Variants in ACTR3B observed in about 807,000 individuals in gnomAD.
The protein encoded by ACTR3B is actin related protein 3B, also known as actin-related protein 3B.
In ACTR3B, 8 loss-of-function variants were observed where a neutral mutation model predicts 59.0. The observed-to-expected ratio is 0.14, with a 90% CI of 0.08 to 0.24. The LOEUF (loss-of-function observed/expected upper bound fraction) is 0.24. Ranked by LOEUF, ACTR3B falls within the 10% of genes least tolerant of loss-of-function variation. The pLI is 1.00. For missense variants in ACTR3B, 245 were observed against 552.3 expected, an observed-to-expected ratio of 0.44 and a Z score of 5.58; for synonymous variants, 148 against 197.9, an observed-to-expected ratio of 0.75 and a Z score of 2.12.
At chr7:152,779,203 G>C (rs149054570) in intron 1 of ACTR3B, among the ~76,000 whole-genome samples, 4,454 of 152,078 alleles carry the variant, frequency 0.029, 79 homozygotes, top group Middle Eastern at 0.099. Flanking sequence ...GGTGAGCGAG[G>C]GGTGTTAAGA....
intron 2 of ACTR3B, among the ~76,000 whole-genome samples, chr7:152,798,707 T>C (rs535698573): frequency 1.3e-5 from 2 of 152,330 alleles, no homozygotes; most frequent in South Asian, 2.1e-4. Flanking sequence ...TTTTTGTATA[T>C]GGTTGAGAGA....
chr7:152,800,816 T>TA (rs200193237), intron 3 of ACTR3B, among the ~76,000 whole-genome samples, 161 bp downstream of exon 3: 3,834 of 152,178 alleles, frequency 0.025, 71 homozygotes, highest in African/African-American at 0.085. Context: ...TGAATGGGGG[T>TA]ATTTTTGATT....
chr7:152,848,487 C>A (rs536206680), intron 9 of ACTR3B, among the ~76,000 whole-genome samples: 139 of 152,318 alleles, frequency 9.1e-4, no homozygotes, highest in African/African-American at 3.2e-3. Context: ...AAACAAACCC[C>A]AAAACCTCAG....
rs747322881 is a variant in ACTR3B, at chr7:152,853,502, T to C, written c.1086T>C (p.Pro362=). ...ELSGGRIKPK[P]VEVQVVTHHM... ...GCTGCTTTCTCTTCCAGCCGAAGCC[T>C]GTGGAGGTCCAGGTGGTCACGCATC... is the stretch of plus-strand genomic sequence containing the variant. The change falls in exon 11 of 12, where the codon CCT becomes CCC. Residue 362 remains proline (P), a synonymous_variant. Coordinates refer to ENST00000256001, the MANE Select transcript of ACTR3B (RefSeq NM_020445.6). 39 of 1,613,780 alleles carry C rather than the reference T, an allele frequency of 2.4e-5. No individual in the cohort carries two copies. The Admixed American group carries it at 6.3e-4, about 26-fold the overall frequency.
intron 9 of ACTR3B, among the ~76,000 whole-genome samples, chr7:152,843,229 T>C (rs547228126): frequency 7.9e-5 from 12 of 152,348 alleles, no homozygotes; most frequent in African/African-American, 2.9e-4. Context: ...GTTCATGCTT[T>C]TTTATGTGCT....
In ACTR3B at chr7:152,796,424, A is replaced by G. The variant is rs1180341495; in HGVS notation, c.101-4107A>G. ...TCACAAATTTGGTCTCCAATTTGGTATAGATAATATTGTTTATTGAGTACT... is the reference window on the plus strand; with the variant it reads ...TCACAAATTTGGTCTCCAATTTGGTGTAGATAATATTGTTTATTGAGTACT... On this transcript the variant is annotated intron_variant, in intron 2 of 11. Transcript: ENST00000256001. Among the ~76,000 whole-genome samples the G allele has an allele frequency of 9.5e-5, 14 of 146,714 alleles. No individual in the cohort carries two copies. The East Asian group carries it at 2.6e-3, about 28-fold the overall frequency.
chr7:152,791,612 G>A (rs2098196566), intron 2 of ACTR3B, among the ~76,000 whole-genome samples: 2 of 152,202 alleles, frequency 1.3e-5, no homozygotes, highest in South Asian at 2.1e-4. Context: ...GGTACAATGT[G>A]TGTGTATAGT....
chr7:152,769,443 A>G (rs2116519304), intron 1 of ACTR3B, among the ~76,000 whole-genome samples: 1 of 151,994 alleles, frequency 6.6e-6, no homozygotes, highest in East Asian at 1.9e-4. Context: ...TGTCTGATAT[A>G]GATATATATA....
At chr7:152,791,094 A>G (rs948727503) in intron 2 of ACTR3B, among the ~76,000 whole-genome samples, 1 of 151,400 alleles carries the variant, frequency 6.6e-6, no homozygotes, top group Non-Finnish European at 1.5e-5. Flanking sequence ...GCTCACTGCA[A>G]CCTTCACCTC....
chr7:152,815,227 G>C (rs940474871), intron 5 of ACTR3B, among the ~76,000 whole-genome samples: 1 of 152,232 alleles, frequency 6.6e-6, no homozygotes, highest in African/African-American at 2.4e-5. Flanking sequence ...TTCTAAGGAG[G>C]AGGAGGAGGA....
chr7:152,852,977 GA>G (rs1414880399), intron 10 of ACTR3B, among the ~76,000 whole-genome samples: 1 of 151,984 alleles, frequency 6.6e-6, no homozygotes, highest in Non-Finnish European at 1.5e-5. Context: ...ATTTTTAGTA[GA>G]GATGGGGTTT....
intron 9 of ACTR3B, among the ~76,000 whole-genome samples, chr7:152,829,562 G>T (rs1254225981): frequency 3.3e-5 from 5 of 152,314 alleles, no homozygotes; most frequent in Admixed American, 6.5e-5. Flanking sequence ...CAGGGGTGGG[G>T]CCTGCGGGGA....
At chr7:152,789,997 CTTT>C (rs756068314) in intron 2 of ACTR3B, among the ~76,000 whole-genome samples, 1 of 102,818 alleles carries the variant, frequency 9.7e-6, no homozygotes, top group Non-Finnish European at 1.8e-5. Context: ...TGTACTCTTT[CTTT>C]TTTTTTTTTT....
chr7:152,766,011 TTCTC>T (rs1479230922), intron 1 of ACTR3B, among the ~76,000 whole-genome samples: 1 of 152,026 alleles, frequency 6.6e-6, no homozygotes, highest in African/African-American at 2.4e-5. Context: ...GTCTCTTCAT[TTCTC>T]TAACTTTTCT....
chr7:152,801,039 T>C (rs1367110426), intron 3 of ACTR3B, among the ~76,000 whole-genome samples: 4 of 152,396 alleles, frequency 2.6e-5, no homozygotes, highest in Admixed American at 2.6e-4. Flanking sequence ...TCCAATTGTA[T>C]GATAATTAGC....
intron 4 of ACTR3B, among the ~76,000 whole-genome samples, chr7:152,804,426 A>G (rs2098246038): frequency 6.6e-6 from 1 of 152,038 alleles, no homozygotes; most frequent in South Asian, 2.1e-4. Context: ...GTGTGGAGAG[A>G]GGAGGTCAGG....
In ACTR3B at chr7:152,759,781, G is replaced by T. The variant is rs1395702138; in HGVS notation, c.-102G>T. ...GGGCTCCCGGCAGCGGCGCTGCGGC[G>T]GCTCGCGGGAGACGCTGCGCGCGGG... On this transcript the variant is annotated 5_prime_UTR_variant, in exon 1 of 12. Coordinates refer to ENST00000256001, the MANE Select transcript of ACTR3B (RefSeq NM_020445.6). The T allele has an allele frequency of 1.1e-6, 1 of 949,724 alleles. No homozygotes were observed. Among genetic ancestry groups the T allele is most frequent in the Middle Eastern group, 4.6e-4 (1 of 2,196 alleles). The allele number at this position is 949,724 out of a possible 1,614,324, so 58.8% of individuals were successfully genotyped here.
chr7:152,764,873 A>G lies in ACTR3B; in HGVS notation c.44+4947A>G. 1.3e-5 allele frequency among the ~76,000 whole-genome samples: 2 copies of G among 152,142 alleles called. 1 individual carries two copies. On this transcript the variant is annotated intron_variant, in intron 1 of 11. Coordinates refer to ENST00000256001, the MANE Select transcript of ACTR3B (RefSeq NM_020445.6). ...AATAGAGCCTATTGCCAATTTGTAA[A>G]ATTACCAACCTAGAATAAATGATAT...
intron 4 of ACTR3B, 42 bp downstream of exon 4, chr7:152,801,773 C>G (rs2098237419): frequency 1.4e-6 from 1 of 690,718 alleles, no homozygotes. Flanking sequence ...CTGTAAATTC[C>G]AAATTGCTTA....
Sources: gnomAD v4.1 joint callset for allele counts (sites outside exome capture counted in the v4.1 genomes callset) on GRCh38, gnomAD v4.1.1 for gene constraint, MANE v1.5 for transcripts, NCBI Gene and HGNC (gene_info 2026-07-23, HGNC 2026-07-21) for gene names.